Variants in KIF20B observed in about 807,000 individuals in gnomAD.
KIF20B encodes kinesin-like protein KIF20B.
KIF20B carries 188 observed loss-of-function variants against 232.5 expected under a neutral mutation model. The observed-to-expected ratio is 0.81, with a 90% CI of 0.72 to 0.91. The LOEUF (loss-of-function observed/expected upper bound fraction) is 0.91. KIF20B is among the 40% of genes least tolerant of loss of function. The probability of loss-of-function intolerance (pLI) is 0.00; values close to 1 mark genes in which losing one functional copy is unlikely to be tolerated. For synonymous variants in KIF20B, 712 were observed against 683.0 expected (o/e 1.04, Z -0.66); for missense variants, 2,154 against 2,055.9 (o/e 1.05, Z -0.92).
At chr10:89,716,945 G>T (rs1181961573) in intron 9 of KIF20B, among the ~76,000 whole-genome samples, 2 of 152,090 alleles carry the variant, frequency 1.3e-5, no homozygotes, top group African/African-American at 4.8e-5. Context: ...GGGGATGAGA[G>T]GCAAAGGAAA....
chr10:89,769,869 A>G (rs2133180130), intron 31 of KIF20B, among the ~76,000 whole-genome samples: 1 of 152,094 alleles, frequency 6.6e-6, no homozygotes, highest in African/African-American at 2.4e-5. Context: ...AATAGGATGA[A>G]TTAGAGACCA....
intron 27 of KIF20B, 51 bp from the exon 28 acceptor site, chr10:89,760,475 A>G (rs748824702): frequency 2.2e-5 from 23 of 1,065,116 alleles, no homozygotes; most frequent in Non-Finnish European, 2.7e-5. Context: ...GTTTTCTTCA[A>G]TATATTTTCA....
Position 89,718,877 on chromosome 10 carries a change from A to G in KIF20B, c.1434+5A>G. 1 of 1,508,774 alleles carries G rather than the reference A, an allele frequency of 6.6e-7. No individual in the cohort carries two copies. The highest frequency in any genetic ancestry group is 1.3e-5 in the South Asian group (1 of 76,788). The allele number at this position is 1,508,774 out of a possible 1,614,324, so 93.5% of individuals were successfully genotyped here. A position where few individuals can be genotyped will look rare whatever the true frequency, so the allele number is the denominator to read the frequency against. On this transcript the variant is annotated splice_donor_5th_base_variant and intron_variant, in intron 12 of 32. Transcript: ENST00000371728. ...TTCTCCGCCATTGCACAAAAAGTAA[A>G]TATTTATTTTATTAAGCCTCTTATT... is the stretch of plus-strand genomic sequence containing the variant.
At position 89,705,948 on chromosome 10, in the gene KIF20B, C is replaced by G. The variant is rs1189643627; in HGVS notation, c.147+507C>G. On this transcript the variant is annotated intron_variant, in intron 2 of 32. Transcript: ENST00000371728. ...GTTTGATGGACATTTAGGTAGTTTA[C>G]AGTTTGAGGTCATTATAAATAATGC... 3.9e-5 allele frequency among the ~76,000 whole-genome samples: 6 copies of G among 152,206 alleles called. No individual in the cohort carries two copies. The East Asian group carries it at 1.2e-3, about 29-fold the overall frequency.
At chr10:89,752,766 A>T in intron 25 of KIF20B, 75 bp downstream of exon 25, 3 of 1,106,254 alleles carry the variant, frequency 2.7e-6, no homozygotes, top group Non-Finnish European at 3.7e-6. Context: ...AGAATTCAGT[A>T]TTTTATATTT....
intron 19 of KIF20B, among the ~76,000 whole-genome samples, chr10:89,737,058 A>G (rs1257428196): frequency 6.6e-6 from 1 of 152,084 alleles, no homozygotes; most frequent in Non-Finnish European, 1.5e-5. Context: ...TGAAATGACA[A>G]TAAAGATTTG....
In KIF20B at chr10:89,711,024, A is replaced by G; in HGVS notation, c.554A>G (p.Glu185Gly). The change falls in exon 6 of 33, where the codon GAA (glutamate) becomes GGA (glycine). Residue 185 changes from glutamate to glycine, a missense_variant. By Grantham distance (98) the Glu-to-Gly change is moderately conservative. Transcript: ENST00000371728. Reference protein sequence around the residue: ...TLNVLFDSLQERLYTKMNLKP... With the variant: ...TLNVLFDSLQGRLYTKMNLKP... ...AATGTATTATTTGATAGTCTTCAAG[A>G]AAGACTGTATACAAAGATGAACCTT... 3 of 1,609,684 alleles carry G rather than the reference A, an allele frequency of 1.9e-6. No individual in the cohort carries two copies. The highest frequency in any genetic ancestry group is 2.5e-6 in the Non-Finnish European group (3 of 1,177,738).
intron 19 of KIF20B, among the ~76,000 whole-genome samples, chr10:89,734,552 A>G (rs888067281): frequency 6.6e-6 from 1 of 152,228 alleles, no homozygotes; most frequent in Non-Finnish European, 1.5e-5. Flanking sequence ...TATTTTGCTC[A>G]TAACTTCAAC....
chr10:89,718,299 G>A (rs989005677), intron 11 of KIF20B, among the ~76,000 whole-genome samples: 98 of 152,058 alleles, frequency 6.4e-4, no homozygotes, highest in African/African-American at 2.3e-3. Flanking sequence ...CGAGGCAGGA[G>A]GATTGCTTGA....
chr10:89,722,951 T>C lies in KIF20B; in HGVS notation c.1723-1013T>C, dbSNP rs1429859502. ...TTGTGAAAAGTATGAATTATTAATA[T>C]AGGTTATCATTGATTACGGTAGTTT... On this transcript the variant is annotated intron_variant, in intron 13 of 32. Transcript: ENST00000371728. Among the ~76,000 whole-genome samples, 4 of 152,174 alleles carry C rather than the reference T, an allele frequency of 2.6e-5. No homozygotes were observed. In the South Asian group the frequency reaches 8.3e-4, roughly 31 times the overall value.
At chr10:89,720,891 G>C (rs1248689469) in intron 13 of KIF20B, among the ~76,000 whole-genome samples, 2 of 152,120 alleles carry the variant, frequency 1.3e-5, no homozygotes, top group African/African-American at 4.8e-5. Flanking sequence ...TGTATCTTTA[G>C]TAGAGATGGG....
intron 28 of KIF20B, among the ~76,000 whole-genome samples, chr10:89,761,036 G>GT (rs1432531385): frequency 6.6e-6 from 1 of 152,120 alleles, no homozygotes; most frequent in Non-Finnish European, 1.5e-5. Context: ...TCCTTAATTT[G>GT]TATTGGGCTT....
chr10:89,770,992 C>G (rs1842450737), intron 31 of KIF20B, among the ~76,000 whole-genome samples: 1 of 152,052 alleles, frequency 6.6e-6, no homozygotes, highest in African/African-American at 2.4e-5. Flanking sequence ...CAGCTTCAAT[C>G]CTGCTAACTT....
At position 89,719,232 on chromosome 10, in the gene KIF20B, A is replaced by G. The variant is rs933400022; in HGVS notation, c.1435-187A>G. Among the ~76,000 whole-genome samples, 7 of 152,322 alleles carry G rather than the reference A, an allele frequency of 4.6e-5. No individual in the cohort carries two copies. In the East Asian group the frequency reaches 1.3e-3, roughly 29 times the overall value. ...AAGATAGATTTTTCCTCTAGTTTAC[A>G]TGTGTAAGTAGCTTTTTTCCTATCA... On this transcript the variant is annotated intron_variant, in intron 12 of 32. Transcript: ENST00000371728.
rs1393586505 is a variant in KIF20B at position 89,717,799 on chromosome 10, G to T, written c.1271+77G>T. 5 of 991,036 alleles carry T rather than the reference G, an allele frequency of 5.0e-6. No individual in the cohort carries two copies. In the Admixed American group the frequency reaches 1.3e-4, roughly 26 times the overall value. 61.4% of individuals were successfully genotyped at this position (991,036 alleles called of 1,614,324 possible). ...CTTTCAACTTTTTTGTTTTTAGAAA[G>T]TTCTTTTTTGATTTTTAAACTGCTT... is the stretch of plus-strand genomic sequence containing the variant. On this transcript the variant is annotated intron_variant, in intron 11 of 32. Coordinates refer to ENST00000371728, the MANE Select transcript of KIF20B (RefSeq NM_001284259.2).
At chr10:89,747,513 G>T (rs768930590) in intron 23 of KIF20B, among the ~76,000 whole-genome samples, 7 of 151,234 alleles carry the variant, frequency 4.6e-5, no homozygotes, top group African/African-American at 7.3e-5. Context: ...TAGACTGGAT[G>T]AAGAAAATGT....
chr10:89,723,326 A>C (rs1359446847), intron 13 of KIF20B, among the ~76,000 whole-genome samples: 1 of 152,220 alleles, frequency 6.6e-6, no homozygotes, highest in Non-Finnish European at 1.5e-5. Flanking sequence ...TATAATGGTC[A>C]TGTTAAGTGT....
At chr10:89,761,052 T>A (rs1842228359) in intron 28 of KIF20B, among the ~76,000 whole-genome samples, 1 of 152,218 alleles carries the variant, frequency 6.6e-6, no homozygotes, top group Non-Finnish European at 1.5e-5. Context: ...GGCTTAGGGT[T>A]CTGTGAATAA....
Position 89,714,064 on chromosome 10 carries a change from T to A in KIF20B, c.693T>A (p.Asp231Glu). 1 of 1,457,010 alleles carries A rather than the reference T, an allele frequency of 6.9e-7. No homozygotes were observed. The highest frequency in any genetic ancestry group is 9.3e-7 in the Non-Finnish European group (1 of 1,080,744). The allele number at this position is 1,457,010 out of a possible 1,614,324, so 90.3% of individuals were successfully genotyped here. The change falls in exon 7 of 33, where the codon GAT becomes GAA. Residue 231 changes from aspartate (D) to glutamate (E), a missense_variant. Asp to Glu is a conservative substitution (Grantham distance 45). Transcript: ENST00000371728. The stretch of plus-strand genomic sequence containing the variant: ...TTTTTTAGGTTACTGTGCATAATGA[T>A]AGTGATGATACTCTTTATGGTAAGG... ...RQIKEVTVHN[D>E]SDDTLYGSLT...
Sources: allele counts gnomAD v4.1 joint callset (sites outside exome capture counted in the v4.1 genomes callset), GRCh38; gene constraint gnomAD v4.1.1; transcripts MANE v1.5; gene names NCBI Gene and HGNC (gene_info 2026-07-23, HGNC 2026-07-21).